Variants in C4orf50 observed in about 807,000 individuals in gnomAD.
C4orf50 encodes the protein chromosome 4 open reading frame 50.
A neutral mutation model predicts 77.2 loss-of-function variants in C4orf50; 80 were observed. The observed-to-expected ratio is 1.04, with a 90% confidence interval of 0.87 to 1.25. C4orf50 has a LOEUF of 1.25. Ranked by LOEUF, C4orf50 falls within the 50% of genes most tolerant of loss-of-function variation. The pLI is 0.00. For missense variants in C4orf50, 1,257 were observed against 1,152.9 expected (o/e 1.09, Z -1.31); for synonymous variants, 532 against 465.3 (o/e 1.14, Z -1.84).
intron 7 of C4orf50, among the ~76,000 whole-genome samples, chr4:5,912,715 A>C (rs1716863167): frequency 1.3e-5 from 2 of 152,248 alleles, no homozygotes; most frequent in African/African-American, 2.4e-5. Context: ...AGAGGAGTGC[A>C]GAGAGAGCCT....
chr4:5,963,492 T>C (rs1336529222), intron 33 of C4orf50, among the ~76,000 whole-genome samples: 1 of 152,220 alleles, frequency 6.6e-6, no homozygotes, highest in African/African-American at 2.4e-5. Context: ...CTATTTTTGA[T>C]TCCAGGCACT....
At chr4:6,004,155 GTGATGATAGTGATGA>G (rs1722058045) in intron 25 of C4orf50, among the ~76,000 whole-genome samples, 1 of 106,808 alleles carries the variant, frequency 9.4e-6, no homozygotes, top group East Asian at 2.6e-4. Context: ...GATGGTGATG[GTGATGATAGTGATGA>G]TGGTGATGAT....
intron 7 of C4orf50, among the ~76,000 whole-genome samples, chr4:5,927,082 G>T (rs1717549960): frequency 6.6e-6 from 1 of 152,184 alleles, no homozygotes; most frequent in South Asian, 2.1e-4. Context: ...GCAGATGCAT[G>T]CTTGTCAGAT....
rs1236785359 is a variant in C4orf50 at position 5,970,798 on chromosome 4, A to C, written c.4104+2861T>G. On this transcript the variant is annotated intron_variant, in intron 31 of 33. Coordinates refer to ENST00000531445, the Ensembl canonical transcript of C4orf50. The surrounding 1 kb of genome is among the most constrained non-coding windows in gnomAD (Gnocchi z 4.3). ...GGCCTCAGCCCAAGGCCCAGCCCCCACCCCCTCAACAGCCCTGGGACATGC... is the reference window on the plus strand; with the variant it reads ...GGCCTCAGCCCAAGGCCCAGCCCCCCCCCCCTCAACAGCCCTGGGACATGC... Among the ~76,000 whole-genome samples, 1 of 151,972 alleles carries C rather than the reference A, an allele frequency of 6.6e-6. No individual in the cohort carries two copies. The highest frequency in any genetic ancestry group is 2.4e-5 in the African/African-American group (1 of 41,374).
intron 31 of C4orf50, among the ~76,000 whole-genome samples, chr4:5,968,099 A>T (rs1719688712): frequency 6.6e-6 from 1 of 152,156 alleles, no homozygotes; most frequent in African/African-American, 2.4e-5. Flanking sequence ...TGCTGCTGTG[A>T]TAACTCTTTC....
intron 25 of C4orf50, among the ~76,000 whole-genome samples, chr4:5,998,505 C>G (rs1369156003): frequency 6.6e-6 from 1 of 152,202 alleles, no homozygotes; most frequent in Non-Finnish European, 1.5e-5. Context: ...TAGCTGCCAC[C>G]AGGGGTCACT....
At chr4:6,005,255 T>A (rs951223407) in intron 25 of C4orf50, among the ~76,000 whole-genome samples, 1 of 152,206 alleles carries the variant, frequency 6.6e-6, no homozygotes, top group Non-Finnish European at 1.5e-5. Flanking sequence ...CAGAAGTGGC[T>A]GGGGACCACA....
intron 30 of C4orf50, 106 bp downstream of exon 8, chr4:5,975,793 C>T: frequency 1.1e-6 from 1 of 926,528 alleles, no homozygotes; most frequent in Non-Finnish European, 1.8e-6. Context: ...CTGGCCCTAC[C>T]CAGACTTTTA....
At chr4:5,977,786 G>A (rs1260841303) in intron 29 of C4orf50, among the ~76,000 whole-genome samples, 2 of 152,176 alleles carry the variant, frequency 1.3e-5, no homozygotes, top group African/African-American at 4.8e-5. Context: ...TAAACCTTCT[G>A]TCTGCTTCAG....
chr4:5,924,580 G>A (rs1717428748), intron 7 of C4orf50, among the ~76,000 whole-genome samples: 1 of 152,158 alleles, frequency 6.6e-6, no homozygotes, highest in Non-Finnish European at 1.5e-5. Context: ...GTCAATCCCT[G>A]GCTATAGGGC....
At chr4:6,010,568 A>G (rs759193200) in intron 24 of C4orf50, among the ~76,000 whole-genome samples, 5 of 152,162 alleles carry the variant, frequency 3.3e-5, no homozygotes, top group African/African-American at 4.8e-5. Flanking sequence ...GTGCTTGCAT[A>G]TTTCTTAGTC....
chr4:5,939,334 T>A (rs1449737363), intron 7 of C4orf50, among the ~76,000 whole-genome samples: 1 of 152,180 alleles, frequency 6.6e-6, no homozygotes, highest in African/African-American at 2.4e-5. Flanking sequence ...ACATCCTCTG[T>A]CACTGTCCCC....
intron 7 of C4orf50, chr4:5,898,455 T>C (rs1353817510): frequency 1.3e-5 from 2 of 152,204 alleles, no homozygotes; most frequent in Non-Finnish European, 2.9e-5. Context: ...TTACCCACTG[T>C]TTCCATGGAG....
At chr4:5,978,614 C>T (rs1320962982) in intron 29 of C4orf50, among the ~76,000 whole-genome samples, 1 of 152,182 alleles carries the variant, frequency 6.6e-6, no homozygotes, top group African/African-American at 2.4e-5. Context: ...GTTGAAGACA[C>T]GGTGAACGAG....
At chr4:5,926,569 G>A (rs1717524071) in intron 7 of C4orf50, among the ~76,000 whole-genome samples, 1 of 152,144 alleles carries the variant, frequency 6.6e-6, no homozygotes, top group Non-Finnish European at 1.5e-5. Context: ...CACAAATTGT[G>A]CACTTTAACG....
intron 7 of C4orf50, among the ~76,000 whole-genome samples, chr4:5,924,691 C>T (rs769121151): frequency 9.9e-5 from 15 of 152,204 alleles, no homozygotes; most frequent in Non-Finnish European, 1.8e-4. Context: ...AGGAGGGACT[C>T]CTGGGCTGGG....
At chr4:5,918,135 C>G (rs949525271) in intron 7 of C4orf50, among the ~76,000 whole-genome samples, 1 of 152,188 alleles carries the variant, frequency 6.6e-6, no homozygotes, top group Non-Finnish European at 1.5e-5. Flanking sequence ...AAACTCAAAA[C>G]TCAACCACAA....
rs537825787 is a variant in C4orf50 at position 6,011,539 on chromosome 4, C to T, written c.426+291G>A. Among the ~76,000 whole-genome samples, 3 of 152,108 alleles carry T rather than the reference C, an allele frequency of 2.0e-5. No homozygotes were observed. The highest frequency in any genetic ancestry group is 7.2e-5 in the African/African-American group (3 of 41,420). ...GTCTCCCCCATCTGCATAAGAGCTC[C>T]GGACCCCAGGAGCCCTGCATCAGCC... On this transcript the variant is annotated intron_variant, in intron 24 of 33. Coordinates refer to ENST00000531445, the Ensembl canonical transcript of C4orf50. The surrounding 1 kb of genome is among the most constrained non-coding windows in gnomAD (Gnocchi z 4.2).
intron 23 of C4orf50, 77 bp from the exon 2 acceptor site, chr4:6,012,045 C>T (rs1722517197): frequency 2.5e-6 from 1 of 398,522 alleles, no homozygotes; most frequent in African/African-American, 2.1e-5. Context: ...ACACCAGGGC[C>T]AAATTATTAT....
Sources: gnomAD v4.1 joint callset for allele counts (sites outside exome capture counted in the v4.1 genomes callset) on GRCh38, gnomAD v4.1.1 for gene constraint, Gnocchi (gnomAD v3.1) non-coding constraint, MANE v1.5 for transcripts, NCBI Gene and HGNC (gene_info 2026-07-23, HGNC 2026-07-21) for gene names.